Variants in JAKMIP1 observed in about 807,000 individuals in gnomAD.
The protein encoded by JAKMIP1 is janus kinase and microtubule-interacting protein 1.
In JAKMIP1, 33 loss-of-function variants were observed where a neutral mutation model predicts 113.0. That is an observed-to-expected ratio of 0.29 (90% CI 0.22 to 0.39). The LOEUF (loss-of-function observed/expected upper bound fraction) is 0.39. Ranked by LOEUF, JAKMIP1 falls within the 10% of genes least tolerant of loss-of-function variation. JAKMIP1 has a pLI of 1.00. For synonymous variants in JAKMIP1, 480 were observed against 459.9 expected, an observed-to-expected ratio of 1.04 and a Z score of -0.56; for missense variants, 813 against 1,080.5, an observed-to-expected ratio of 0.75 and a Z score of 3.47.
rs1713968838 is a variant in JAKMIP1, at chr4:6,106,464, A to G, written c.130-497T>C. Among the ~76,000 whole-genome samples the G allele has an allele frequency of 6.6e-6, 1 of 152,110 alleles. No homozygotes were observed. Among genetic ancestry groups the G allele is most frequent in the African/African-American group, 2.4e-5 (1 of 41,420 alleles). ...CTAGCTGGGCTGGGGGCTCCAATGC[A>G]TCACCCACATTGCCACATGAACCCC... On this transcript the variant is annotated intron_variant, in intron 2 of 20. Coordinates refer to ENST00000409021, the MANE Select transcript of JAKMIP1 (RefSeq NM_001099433.2). The surrounding 1 kb of genome is among the most constrained non-coding windows in gnomAD (Gnocchi z 5.9).
intron 1 of JAKMIP1, among the ~76,000 whole-genome samples, chr4:6,174,073 T>A (rs1725056743): frequency 6.6e-6 from 1 of 152,146 alleles, no homozygotes. Context: ...CATACGTACA[T>A]ACATACATAC....
intron 18 of JAKMIP1, among the ~76,000 whole-genome samples, chr4:6,036,929 C>T (rs1560629265): frequency 6.6e-6 from 1 of 151,854 alleles, no homozygotes; most frequent in Admixed American, 6.5e-5. Context: ...CCCTCCATCA[C>T]CGAGGTAGAG....
Position 6,112,749 on chromosome 4 carries a change from C to G in JAKMIP1, c.102G>C (p.Gln34His), listed in dbSNP as rs1030068810. ...EELRAKLTSIQIEFQQEKSKV... is the reference protein window; with the variant it reads ...EELRAKLTSIHIEFQQEKSKV... ...TGCTTTTTTCCTGCTGGAACTCGAT[C>G]TGAATGCTGGTCAGCTTGGCCCGCA... Residue 34 changes from glutamine to histidine, a missense_variant, in exon 2 of 21, where the codon CAG becomes CAC. By Grantham distance (24) the Gln-to-His change is conservative. Transcript: ENST00000409021. 6.2e-7 allele frequency: 1 copy of G among 1,614,032 alleles called. No individual in the cohort carries two copies. Among genetic ancestry groups the G allele is most frequent in the Non-Finnish European group, 8.5e-7 (1 of 1,180,010 alleles).
chr4:6,121,199 C>CAAA (rs33951121), intron 1 of JAKMIP1, among the ~76,000 whole-genome samples: 24,453 of 128,064 alleles, frequency 0.19, 2,961 homozygotes, highest in Middle Eastern at 0.35. Context: ...GACCTTGTCT[C>CAAA]AAAAAAAAAA....
Position 6,081,015 on chromosome 4 carries a change from C to CACACACACACACACAAA in JAKMIP1, c.1101+593_1101+594insTTTGTGTGTGTGTGTGT, listed in dbSNP as rs549456814. Among the ~76,000 whole-genome samples, 1 of 33,686 alleles carries CACACACACACACACAAA rather than the reference C, an allele frequency of 3.0e-5. No individual in the cohort carries two copies. The highest frequency in any genetic ancestry group is 1.4e-4 in the African/African-American group (1 of 7,372). 22.1% of individuals were successfully genotyped at this position (33,686 alleles called of 152,430 possible). A position where few individuals can be genotyped will look rare whatever the true frequency, so the allele number is the denominator to read the frequency against. ...CACACACACACACACACACACACAC[C>CACACACACACACACAAA]TGCATCTGCTACAGTGCAGACAGCA... On this transcript the variant is annotated intron_variant, in intron 6 of 20. Transcript: ENST00000409021. The surrounding 1 kb of genome is among the most constrained non-coding windows in gnomAD (Gnocchi z 4.6).
At position 6,153,776 on chromosome 4, in the gene JAKMIP1, TTATAAC is replaced by T. The variant is rs1482749034; in HGVS notation, c.-147-40785_-147-40780del. On this transcript the variant is annotated intron_variant, in intron 1 of 20. Coordinates refer to ENST00000409021, the MANE Select transcript of JAKMIP1 (RefSeq NM_001099433.2). This position sits in a 1 kb window ranked among gnomAD's most constrained non-coding sequence, Gnocchi z 4.9. ...AATCATAGGCTTCAGGTGCTATATTTTATAACTATAAGATACAGTTATATTTTCCCT... is the reference window on the plus strand; with the variant it reads ...AATCATAGGCTTCAGGTGCTATATTTTATAAGATACAGTTATATTTTCCCT... 2.0e-5 allele frequency among the ~76,000 whole-genome samples: 3 copies of T among 152,262 alleles called. No individual in the cohort carries two copies. Among genetic ancestry groups the T allele is most frequent in the Non-Finnish European group, 2.9e-5 (2 of 68,050 alleles).
chr4:6,098,723 AAAGAAAGAAAGAGAAG>A (rs1560181469), intron 3 of JAKMIP1, among the ~76,000 whole-genome samples: 454 of 3,314 alleles, frequency 0.14, 9 homozygotes, highest in Middle Eastern at 0.33. Flanking sequence ...AAAGAAAGAA[AAAGAAAGAAAGAGAAG>A]GAAGGAAGGA....
At position 6,167,017 on chromosome 4, in the gene JAKMIP1, GGTCTCTCAAATACTGTATGTGC is replaced by G. The variant is rs1193573473; in HGVS notation, c.-148+33214_-148+33235del. Among the ~76,000 whole-genome samples the G allele has an allele frequency of 6.6e-6, 1 of 151,726 alleles. No homozygotes were observed. Among genetic ancestry groups the G allele is most frequent in the Non-Finnish European group, 1.5e-5 (1 of 67,924 alleles). On this transcript the variant is annotated intron_variant, in intron 1 of 20. Transcript: ENST00000409021. The surrounding 1 kb of genome is among the most constrained non-coding windows in gnomAD (Gnocchi z 5.3). ...GGTTATAATGACCCCTACCTCCTAG[GGTCTCTCAAATACTGTATGTGC>G]TACCCCACATCAAGTACTTGGAACA...
intron 11 of JAKMIP1, 122 bp downstream of exon 11, chr4:6,060,298 TAGCG>T: frequency 1.3e-6 from 1 of 741,690 alleles, no homozygotes; most frequent in Admixed American, 1.9e-5. Flanking sequence ...TTTTTTCCTC[TAGCG>T]TCTCTGGAGC....
At chr4:6,026,649 C>T (rs559522710) in intron 20 of JAKMIP1, among the ~76,000 whole-genome samples, 38 of 151,638 alleles carry the variant, frequency 2.5e-4, no homozygotes, top group African/African-American at 8.5e-4. Flanking sequence ...TCATGGTCAG[C>T]GGCTCCCACC....
In JAKMIP1 at chr4:6,080,128, G is replaced by A; in HGVS notation, c.1242+44C>T. On this transcript the variant is annotated intron_variant, in intron 7 of 20. Transcript: ENST00000409021. The surrounding 1 kb of genome is among the most constrained non-coding windows in gnomAD (Gnocchi z 6.0). ...GTTCCTGACACCCATGTCAGCTGGT[G>A]CCACCCCTGCCAGGGGCAGCCGCGC... 3 of 1,538,036 alleles carry A rather than the reference G, an allele frequency of 2.0e-6. No individual in the cohort carries two copies. The highest frequency in any genetic ancestry group is 2.6e-6 in the Non-Finnish European group (3 of 1,139,870).
chr4:6,106,337 C>A lies in JAKMIP1; in HGVS notation c.130-370G>T, dbSNP rs1427190580. On this transcript the variant is annotated intron_variant, in intron 2 of 20. Coordinates refer to ENST00000409021, the MANE Select transcript of JAKMIP1 (RefSeq NM_001099433.2). The surrounding 1 kb of genome is among the most constrained non-coding windows in gnomAD (Gnocchi z 5.9). ...AAGATTGTAAACCAGAAATATATTT[C>A]CAGGGCCCCATGCGCGGACTGTGGA... Among the ~76,000 whole-genome samples, 1 of 152,160 alleles carries A rather than the reference C, an allele frequency of 6.6e-6. No individual in the cohort carries two copies. Among genetic ancestry groups the A allele is most frequent in the Non-Finnish European group, 1.5e-5 (1 of 68,036 alleles).
intron 1 of JAKMIP1, among the ~76,000 whole-genome samples, chr4:6,124,815 C>A (rs1281673814): frequency 6.6e-6 from 1 of 152,248 alleles, no homozygotes. Flanking sequence ...TTGGGCCACA[C>A]CTCTTTGGGG....
rs1251342750 is a variant in JAKMIP1 at position 6,069,281 on chromosome 4, G to C, written c.1303-4273C>G. Reference sequence around the variant, plus strand: ...TTTTTTTGTGTCTCCACTCTTCTAAGAGTCTCTAGGTTTTTCCTCACAAGA... The same window carrying C: ...TTTTTTTGTGTCTCCACTCTTCTAACAGTCTCTAGGTTTTTCCTCACAAGA... On this transcript the variant is annotated intron_variant, in intron 8 of 20. Transcript: ENST00000409021. This position sits in a 1 kb window ranked among gnomAD's most constrained non-coding sequence, Gnocchi z 4.5. Among the ~76,000 whole-genome samples the C allele has an allele frequency of 1.3e-5, 2 of 152,174 alleles. No homozygotes were observed. Among genetic ancestry groups the C allele is most frequent in the African/African-American group, 4.8e-5 (2 of 41,450 alleles).
chr4:6,159,985 G>T (rs902194640), intron 1 of JAKMIP1, among the ~76,000 whole-genome samples: 1 of 152,062 alleles, frequency 6.6e-6, no homozygotes, highest in Non-Finnish European at 1.5e-5. Flanking sequence ...AGACACTCAC[G>T]GACGTCACAA....
intron 1 of JAKMIP1, among the ~76,000 whole-genome samples, chr4:6,149,013 G>C (rs1329807841): frequency 6.6e-6 from 1 of 152,176 alleles, no homozygotes; most frequent in East Asian, 1.9e-4. Context: ...AGGTTTGCAG[G>C]GGGGTGGCGG....
At chr4:6,115,445 A>C (rs957810730) in intron 1 of JAKMIP1, among the ~76,000 whole-genome samples, 5 of 152,230 alleles carry the variant, frequency 3.3e-5, no homozygotes, top group Non-Finnish European at 5.9e-5. Flanking sequence ...AATACAATTT[A>C]TAGTTTCAAT....
chr4:6,165,600 C>A (rs1723527970), intron 1 of JAKMIP1, among the ~76,000 whole-genome samples: 1 of 152,098 alleles, frequency 6.6e-6, no homozygotes, highest in Non-Finnish European at 1.5e-5. Flanking sequence ...CGCGCCCAGC[C>A]CTAAAGTATT....
At chr4:6,090,739 G>C (rs531388224) in intron 3 of JAKMIP1, among the ~76,000 whole-genome samples, 60 of 151,872 alleles carry the variant, frequency 4.0e-4, no homozygotes, top group African/African-American at 1.4e-3. Context: ...GACCGTGACT[G>C]CCTTAAACTA....
Sources: gnomAD v4.1 joint callset for allele counts (sites outside exome capture counted in the v4.1 genomes callset) on GRCh38, gnomAD v4.1.1 for gene constraint, Gnocchi (gnomAD v3.1) non-coding constraint, MANE v1.5 for transcripts, NCBI Gene and HGNC (gene_info 2026-07-23, HGNC 2026-07-21) for gene names.